The following ELMO1 variants were observed in gnomAD, a reference collection of about 807,000 sequenced individuals.
ELMO1 encodes the protein engulfment and cell motility protein 1.
A neutral mutation model predicts 98.9 loss-of-function variants in ELMO1; 26 were observed. The ratio of observed to expected loss-of-function variants is 0.26; its 90% CI spans 0.19 to 0.36. The LOEUF is 0.36. ELMO1 is among the 10% of genes least tolerant of loss of function. ELMO1 has a pLI of 1.00. For missense variants in ELMO1, 627 were observed against 935.2 expected, an observed-to-expected ratio of 0.67 and a Z score of 4.30; for synonymous variants, 346 against 346.0, an observed-to-expected ratio of 1.00 and a Z score of 0.00.
intron 13 of ELMO1, among the ~76,000 whole-genome samples, chr7:37,172,456 A>G (rs899266309): frequency 1.3e-5 from 2 of 152,212 alleles, no homozygotes; most frequent in African/African-American, 4.8e-5. Context: ...ATTTCAAGAC[A>G]TCCTTCATTT....
intron 21 of ELMO1, among the ~76,000 whole-genome samples, chr7:36,856,672 T>C (rs1279602760): frequency 3.9e-5 from 6 of 152,194 alleles, no homozygotes; most frequent in Non-Finnish European, 7.3e-5. Flanking sequence ...AGTTCTGTAC[T>C]GACATGGACA....
At chr7:36,892,952 T>C (rs747644564) in intron 17 of ELMO1, among the ~76,000 whole-genome samples, 49 of 149,682 alleles carry the variant, frequency 3.3e-4, no homozygotes, top group Non-Finnish European at 1.6e-4. Flanking sequence ...GAGCATCTTA[T>C]AATAAAGGGG....
At chr7:37,251,572 T>C (rs1362756392) in intron 6 of ELMO1, among the ~76,000 whole-genome samples, 1 of 152,052 alleles carries the variant, frequency 6.6e-6, no homozygotes, top group Non-Finnish European at 1.5e-5. Flanking sequence ...CCTTCACTTA[T>C]GAAGATCTCA....
At chr7:37,273,930 C>G (rs776080066) in intron 4 of ELMO1, among the ~76,000 whole-genome samples, 4 of 152,208 alleles carry the variant, frequency 2.6e-5, no homozygotes, top group African/African-American at 4.8e-5. Flanking sequence ...AAAGGGGCAG[C>G]CTTCAGGCCA....
intron 1 of ELMO1, among the ~76,000 whole-genome samples, chr7:37,363,693 T>C (rs1248211135): frequency 6.6e-6 from 1 of 152,206 alleles, no homozygotes; most frequent in Non-Finnish European, 1.5e-5. Context: ...CCTTTCATTT[T>C]TTGCTAGAAG....
At chr7:37,034,903 C>T (rs1188811465) in intron 15 of ELMO1, among the ~76,000 whole-genome samples, 2 of 152,106 alleles carry the variant, frequency 1.3e-5, no homozygotes, top group East Asian at 3.9e-4. Context: ...TCTTGTACAA[C>T]AAGAAGACTG....
intron 15 of ELMO1, among the ~76,000 whole-genome samples, chr7:37,041,916 TAG>T (rs776753671): frequency 1.3e-5 from 2 of 152,142 alleles, no homozygotes; most frequent in African/African-American, 4.8e-5. Context: ...CTTTCAAAAG[TAG>T]AGAGATTCAT....
At chr7:36,971,528 G>C (rs1479638387) in intron 16 of ELMO1, among the ~76,000 whole-genome samples, 1 of 152,162 alleles carries the variant, frequency 6.6e-6, no homozygotes, top group African/African-American at 2.4e-5. Context: ...TGGTTTGAAG[G>C]GTTGTAAACA....
rs1184958310 is a variant in ELMO1 at position 37,293,739 on chromosome 7, T to A, written c.192+21111A>T. Among the ~76,000 whole-genome samples, 111 of 42,886 alleles carry A rather than the reference T, an allele frequency of 2.6e-3. 6 individuals are homozygous for A. Among genetic ancestry groups the A allele is most frequent in the African/African-American group, 7.9e-3 (107 of 13,602 alleles). The allele number at this position is 42,886 out of a possible 152,430, so 28.1% of individuals were successfully genotyped here. ...ATAAAAAAAAAAATAATAATAATAATAAAAAAAAAGAGTGAAACTCTATAT... is the reference window on the plus strand; with the variant it reads ...ATAAAAAAAAAAATAATAATAATAAAAAAAAAAAAGAGTGAAACTCTATAT... On this transcript the variant is annotated intron_variant, in intron 4 of 21. Transcript: ENST00000310758.
chr7:37,307,569 C>T (rs534880541), intron 4 of ELMO1, among the ~76,000 whole-genome samples: 56 of 152,024 alleles, frequency 3.7e-4, no homozygotes, highest in Non-Finnish European at 4.4e-4. Flanking sequence ...ATCAGGTAAC[C>T]GAATATTAAC....
At chr7:37,058,838 G>A (rs73121117) in intron 15 of ELMO1, among the ~76,000 whole-genome samples, 15,836 of 152,224 alleles carry the variant, frequency 0.1, 947 homozygotes, top group Middle Eastern at 0.2. Flanking sequence ...AAAATCTTTA[G>A]TTAGCAGTGT....
intron 1 of ELMO1, among the ~76,000 whole-genome samples, chr7:37,425,695 A>G (rs1225645362): frequency 6.6e-6 from 1 of 152,224 alleles, no homozygotes; most frequent in East Asian, 1.9e-4. Context: ...GGTTCCCCAA[A>G]TAAGTGCTCC....
At chr7:37,365,254 A>C (rs1034196055) in intron 1 of ELMO1, among the ~76,000 whole-genome samples, 6 of 152,150 alleles carry the variant, frequency 3.9e-5, no homozygotes, top group Admixed American at 3.9e-4. Context: ...AGGACACTGG[A>C]AAATAAAAGA....
intron 14 of ELMO1, among the ~76,000 whole-genome samples, chr7:37,115,344 C>T (rs923492318): frequency 5.9e-5 from 9 of 152,026 alleles, no homozygotes; most frequent in Admixed American, 5.9e-4. Flanking sequence ...ATGTAAATAT[C>T]CTTCACAAAA....
At chr7:37,236,243 A>G (rs550163209) in intron 7 of ELMO1, among the ~76,000 whole-genome samples, 1 of 152,336 alleles carries the variant, frequency 6.6e-6, no homozygotes, top group East Asian at 1.9e-4. Context: ...GGGAAAAAAA[A>G]GCTGGAGAGA....
chr7:37,274,605 T>G (rs192772375), intron 4 of ELMO1, among the ~76,000 whole-genome samples: 2 of 151,962 alleles, frequency 1.3e-5, no homozygotes, highest in African/African-American at 4.8e-5. Flanking sequence ...TAGGCTGGAG[T>G]GCAGTGGCAC....
intron 14 of ELMO1, among the ~76,000 whole-genome samples, chr7:37,127,599 T>C (rs1000464714): frequency 6.6e-6 from 1 of 152,202 alleles, no homozygotes; most frequent in East Asian, 1.9e-4. Context: ...CAGCCTGTCT[T>C]GCATGTTACC....
At chr7:36,926,502 C>T (rs1385100563) in intron 16 of ELMO1, among the ~76,000 whole-genome samples, 1 of 152,072 alleles carries the variant, frequency 6.6e-6, no homozygotes, top group Non-Finnish European at 1.5e-5. Flanking sequence ...AGTGACCCCC[C>T]CAACTGAGGT....
intron 2 of ELMO1, among the ~76,000 whole-genome samples, chr7:37,336,105 TA>T (rs34039467): frequency 0.3 from 46,101 of 151,682 alleles, 7,682 homozygotes; most frequent in East Asian, 0.49. Context: ...TGCACACCTG[TA>T]ATCTCAGCTA....
Sources: gnomAD v4.1 joint callset for allele counts (sites outside exome capture counted in the v4.1 genomes callset) on GRCh38, gnomAD v4.1.1 for gene constraint, MANE v1.5 for transcripts, NCBI Gene and HGNC (gene_info 2026-07-23, HGNC 2026-07-21) for gene names.